NYAP2: variants seen among roughly 807,000 people sequenced by gnomAD.
The protein encoded by NYAP2 is neuronal tyrosine-phosphorylated phosphoinositide-3-kinase adapter 2.
In NYAP2, 23 loss-of-function variants were observed where a neutral mutation model predicts 50.4. The observed-to-expected ratio is 0.46, with a 90% CI of 0.33 to 0.65. The LOEUF (loss-of-function observed/expected upper bound fraction) is 0.65, where lower values mean the gene tolerates loss of function less well. Among genes scored for constraint, NYAP2 ranks in the 30% least tolerant of loss-of-function variants. The pLI, the probability that NYAP2 is intolerant of heterozygous loss-of-function variation, is 0.02. For synonymous variants in NYAP2, 394 were observed against 365.2 expected, an observed-to-expected ratio of 1.08 and a Z score of -0.90; for missense variants, 885 against 861.0, an observed-to-expected ratio of 1.03 and a Z score of -0.35.
chr2:225,496,197 A>AGT (rs1574643684), intron 3 of NYAP2, among the ~76,000 whole-genome samples: 1 of 152,210 alleles, frequency 6.6e-6, no homozygotes, highest in East Asian at 1.9e-4. Flanking sequence ...TGAAAAGGCA[A>AGT]GTGATGGTAG....
At chr2:225,664,011 A>G in the NYAP2 span, among the ~76,000 whole-genome samples, 1 of 151,934 alleles carries the variant, frequency 6.6e-6, no homozygotes, top group Admixed American at 6.6e-5. Flanking sequence ...AGGCTTTTTT[A>G]TCTTTCCCAA....
intron 5 of NYAP2, among the ~76,000 whole-genome samples, chr2:225,589,910 A>T (rs899721056): frequency 6.6e-6 from 1 of 152,078 alleles, no homozygotes; most frequent in African/African-American, 2.4e-5. Flanking sequence ...GTGACTGCCC[A>T]CATGCAGGCA....
At chr2:225,432,144 A>ATTTTT (rs751205603) in intron 3 of NYAP2, among the ~76,000 whole-genome samples, 1 of 119,520 alleles carries the variant, frequency 8.4e-6, no homozygotes, top group African/African-American at 3.3e-5. Flanking sequence ...CGCCCGCCTA[A>ATTTTT]TTTTTTTTTT....
chr2:225,454,403 T>C (rs989645369), intron 3 of NYAP2, among the ~76,000 whole-genome samples: 1 of 152,168 alleles, frequency 6.6e-6, no homozygotes, highest in African/African-American at 2.4e-5. Flanking sequence ...TAAATCTCAA[T>C]AGAATTTTTT....
chr2:225,695,654 A>C, the NYAP2 span, among the ~76,000 whole-genome samples: 3 of 151,884 alleles, frequency 2.0e-5, no homozygotes, highest in East Asian at 5.8e-4. Context: ...GTAGTTACTC[A>C]ATAAATTTTT....
intron 3 of NYAP2, among the ~76,000 whole-genome samples, chr2:225,446,943 GA>G (rs1689573885): frequency 6.6e-6 from 1 of 152,064 alleles, no homozygotes; most frequent in Non-Finnish European, 1.5e-5. Flanking sequence ...GAGGCTATCT[GA>G]AGACAAAGCA....
At chr2:225,605,153 A>G (rs1260560051) in intron 5 of NYAP2, among the ~76,000 whole-genome samples, 1 of 152,074 alleles carries the variant, frequency 6.6e-6, no homozygotes, top group Non-Finnish European at 1.5e-5. Context: ...ATGCATTAAT[A>G]TTTTTAGTGC....
intron 5 of NYAP2, among the ~76,000 whole-genome samples, chr2:225,599,381 T>C (rs1173349661): frequency 6.6e-6 from 1 of 152,204 alleles, no homozygotes; most frequent in Admixed American, 6.5e-5. Context: ...TAAGAACATA[T>C]GTTGTATGGC....
intron 5 of NYAP2, among the ~76,000 whole-genome samples, chr2:225,595,533 CA>C (rs1692581511): frequency 6.6e-6 from 1 of 152,166 alleles, no homozygotes; most frequent in Non-Finnish European, 1.5e-5. Context: ...TAATTAATGA[CA>C]AGAGATATGT....
the NYAP2 span, among the ~76,000 whole-genome samples, chr2:225,672,604 T>C: frequency 6.6e-6 from 1 of 152,182 alleles, no homozygotes; most frequent in African/African-American, 2.4e-5. Flanking sequence ...TGGGTAACTA[T>C]TGGCAACAAG....
At chr2:225,488,678 C>A (rs192232221) in intron 3 of NYAP2, among the ~76,000 whole-genome samples, 1 of 152,098 alleles carries the variant, frequency 6.6e-6, no homozygotes, top group Non-Finnish European at 1.5e-5. Context: ...CAGCCTTTGA[C>A]AGGATTTTAG....
At chr2:225,684,501 A>G in the NYAP2 span, among the ~76,000 whole-genome samples, 1 of 144,736 alleles carries the variant, frequency 6.9e-6, no homozygotes, top group Admixed American at 7.0e-5. Context: ...CTCTCTTACT[A>G]TGTAATCTCC....
At chr2:225,590,219 G>T (rs1692473635) in intron 5 of NYAP2, among the ~76,000 whole-genome samples, 1 of 152,218 alleles carries the variant, frequency 6.6e-6, no homozygotes, top group Admixed American at 6.5e-5. Flanking sequence ...GTGACCTCCT[G>T]TGGCCTCAGA....
At chr2:225,431,816 G>A (rs1422523375) in intron 3 of NYAP2, among the ~76,000 whole-genome samples, 1 of 152,188 alleles carries the variant, frequency 6.6e-6, no homozygotes, top group Non-Finnish European at 1.5e-5. Flanking sequence ...GAAATGTTGA[G>A]GAATTGAACA....
At chr2:225,497,800 G>A (rs1690534283) in intron 3 of NYAP2, among the ~76,000 whole-genome samples, 1 of 152,106 alleles carries the variant, frequency 6.6e-6, no homozygotes, top group African/African-American at 2.4e-5. Context: ...GATCTATAGT[G>A]TCTTTTTCTA....
rs367583854 is a variant in NYAP2, at chr2:225,458,472, AT to A, written c.221+49372del. 1.9e-3 allele frequency among the ~76,000 whole-genome samples: 284 copies of A among 152,364 alleles called. 3 individuals are homozygous for A. In the East Asian group the frequency reaches 0.019, roughly 10 times the overall value. ...CTTTAATCCTTACATTTAGAAAAAA[AT>A]ATCACTTAATGATTTTATTTTAATA... On this transcript the variant is annotated intron_variant, in intron 3 of 6. Transcript: ENST00000636099.
At chr2:225,497,123 C>G (rs1690521012) in intron 3 of NYAP2, among the ~76,000 whole-genome samples, 1 of 152,140 alleles carries the variant, frequency 6.6e-6, no homozygotes, top group Non-Finnish European at 1.5e-5. Flanking sequence ...GCATTCGATT[C>G]AATTATTTTG....
the NYAP2 span, among the ~76,000 whole-genome samples, chr2:225,668,788 T>G: frequency 1.3e-5 from 2 of 152,230 alleles, no homozygotes; most frequent in African/African-American, 4.8e-5. Context: ...TACTGAAGAT[T>G]TCCTGTGCAG....
chr2:225,403,366 A>T (rs1360155941), intron 2 of NYAP2, among the ~76,000 whole-genome samples: 1 of 151,988 alleles, frequency 6.6e-6, no homozygotes, highest in Non-Finnish European at 1.5e-5. Context: ...AGTACAATAA[A>T]AGTAAAATAT....
Sources: gnomAD v4.1 joint callset for allele counts (sites outside exome capture counted in the v4.1 genomes callset) on GRCh38, gnomAD v4.1.1 for gene constraint, MANE v1.5 for transcripts, NCBI Gene and HGNC (gene_info 2026-07-23, HGNC 2026-07-21) for gene names.